IQGAP2: variants seen among roughly 807,000 people sequenced by gnomAD.
The protein encoded by IQGAP2 is ras GTPase-activating-like protein IQGAP2.
IQGAP2 carries 173 observed loss-of-function variants against 201.3 expected under a neutral mutation model. The ratio of observed to expected loss-of-function variants is 0.86; its 90% CI spans 0.76 to 0.98. The LOEUF is 0.98. IQGAP2 is among the 50% of genes least tolerant of loss of function. The probability of loss-of-function intolerance (pLI) is 0.00; values close to 1 mark genes in which losing one functional copy is unlikely to be tolerated. For missense variants in IQGAP2, 1,687 were observed against 1,864.8 expected (o/e 0.90, Z 1.76); for synonymous variants, 675 against 673.9 (o/e 1.00, Z -0.03).
At chr5:76,635,051 C>G (rs1408428367) in intron 15 of IQGAP2, among the ~76,000 whole-genome samples, 1 of 152,124 alleles carries the variant, frequency 6.6e-6, no homozygotes, top group African/African-American at 2.4e-5. Flanking sequence ...ACATCCTAAC[C>G]CAAGTAAAGC....
At chr5:76,624,125 A>G (rs183557793) in intron 13 of IQGAP2, among the ~76,000 whole-genome samples, 2 of 152,294 alleles carry the variant, frequency 1.3e-5, no homozygotes, top group East Asian at 3.9e-4. Flanking sequence ...TATTTTTAAT[A>G]GTGGTAAAAT....
At chr5:76,581,130 C>T (rs1194236931) in intron 5 of IQGAP2, among the ~76,000 whole-genome samples, 1 of 152,192 alleles carries the variant, frequency 6.6e-6, no homozygotes, top group Non-Finnish European at 1.5e-5. Flanking sequence ...ACTCTGGGAG[C>T]TTTGTGGAGT....
At chr5:76,706,102 G>T (rs1747867416) in intron 35 of IQGAP2, among the ~76,000 whole-genome samples, 1 of 152,080 alleles carries the variant, frequency 6.6e-6, no homozygotes, top group African/African-American at 2.4e-5. Context: ...TCCAAACTTT[G>T]GTCACTTCAT....
chr5:76,618,851 A>G (rs1749298019), intron 13 of IQGAP2, among the ~76,000 whole-genome samples: 1 of 152,218 alleles, frequency 6.6e-6, no homozygotes, highest in Admixed American at 6.5e-5. Context: ...CAAAAACTAA[A>G]TGATCAGTCC....
chr5:76,602,908 G>A (rs1365368134), intron 11 of IQGAP2, among the ~76,000 whole-genome samples: 1 of 152,072 alleles, frequency 6.6e-6, no homozygotes, highest in Non-Finnish European at 1.5e-5. Flanking sequence ...TCTACTCTTG[G>A]GGCTGTGTTT....
intron 2 of IQGAP2, among the ~76,000 whole-genome samples, chr5:76,474,155 A>T (rs1293372941): frequency 6.6e-6 from 1 of 152,132 alleles, no homozygotes; most frequent in Non-Finnish European, 1.5e-5. Flanking sequence ...TATCTCACTT[A>T]TCCATGGTGG....
intron 2 of IQGAP2, among the ~76,000 whole-genome samples, chr5:76,531,206 C>T (rs1056796321): frequency 7.2e-5 from 11 of 152,114 alleles, no homozygotes; most frequent in South Asian, 2.1e-4. Context: ...ACCATGTCCT[C>T]GGGTGGCAGA....
Position 76,647,852 on chromosome 5 carries a change from A to ACACAC in IQGAP2, c.2095-4898_2095-4897insCACAC, listed in dbSNP as rs558983752. 7.8e-3 allele frequency among the ~76,000 whole-genome samples: 1,119 copies of ACACAC among 142,934 alleles called. 4 individuals carry two copies. Among genetic ancestry groups the ACACAC allele is most frequent in the African/African-American group, 0.012 (450 of 37,090 alleles). 93.8% of individuals were successfully genotyped at this position (142,934 alleles called of 152,430 possible). On this transcript the variant is annotated intron_variant, in intron 17 of 35. Transcript: ENST00000274364. ...ACACACACACACACACACACACACA[A>ACACAC]ACGAAAAAAACTGTAATGCCTCCAC...
At position 76,408,643 on chromosome 5, in the gene IQGAP2, T is replaced by C. The variant is rs74928994; in HGVS notation, c.46+5052T>C. On this transcript the variant is annotated intron_variant, in intron 1 of 35. Coordinates refer to ENST00000274364, the MANE Select transcript of IQGAP2 (RefSeq NM_006633.5). ...GGATGTGGTGGTATACACCTGTAGTTACAGCTACTTGGGAGGCTGAGGCAG... is the reference window on the plus strand; with the variant it reads ...GGATGTGGTGGTATACACCTGTAGTCACAGCTACTTGGGAGGCTGAGGCAG... 3.7e-3 allele frequency among the ~76,000 whole-genome samples: 563 copies of C among 151,930 alleles called. 1 individual carries two copies. Among genetic ancestry groups the C allele is most frequent in the Non-Finnish European group, 6.6e-3 (447 of 67,940 alleles).
At chr5:76,701,711 C>T (rs1407804421) in intron 34 of IQGAP2, 1 of 152,586 alleles carries the variant, frequency 6.6e-6, no homozygotes, top group Non-Finnish European at 1.5e-5. Context: ...TGTTCCATCA[C>T]TTTCTTGTCC....
At chr5:76,677,642 A>C (rs1744935146) in intron 28 of IQGAP2, 1 of 220,276 alleles carries the variant, frequency 4.5e-6, no homozygotes, top group Non-Finnish European at 8.9e-6. Context: ...ACAAAGCCAG[A>C]TTGTGACTGG....
At chr5:76,650,511 A>G (rs1490983836) in intron 17 of IQGAP2, among the ~76,000 whole-genome samples, 2 of 152,202 alleles carry the variant, frequency 1.3e-5, no homozygotes, top group Non-Finnish European at 2.9e-5. Context: ...TGGTATCATA[A>G]TATGTGTGGT....
chr5:76,493,186 C>T (rs960029880), intron 2 of IQGAP2, among the ~76,000 whole-genome samples: 3 of 152,046 alleles, frequency 2.0e-5, no homozygotes, highest in African/African-American at 4.8e-5. Context: ...TAAGTCAGAT[C>T]GCGTCACTTC....
intron 2 of IQGAP2, among the ~76,000 whole-genome samples, chr5:76,466,450 C>T (rs1311928886): frequency 6.6e-6 from 1 of 152,170 alleles, no homozygotes; most frequent in Non-Finnish European, 1.5e-5. Flanking sequence ...TCAAAACGTA[C>T]TTACAAAGCC....
chr5:76,631,798 G>A (rs1164895912), intron 14 of IQGAP2, 61 bp from the exon 15 acceptor site: 1 of 1,238,604 alleles, frequency 8.1e-7, no homozygotes, highest in African/African-American at 1.5e-5. Context: ...TTATATATTT[G>A]CATGCCTTGA....
chr5:76,673,015 C>A (rs1268288512), intron 24 of IQGAP2, among the ~76,000 whole-genome samples: 1 of 151,556 alleles, frequency 6.6e-6, no homozygotes, highest in Non-Finnish European at 1.5e-5. Context: ...TGTAACTAAC[C>A]TGCACATTGT....
At chr5:76,689,398 G>C (rs1381448750) in intron 30 of IQGAP2, among the ~76,000 whole-genome samples, 5 of 151,984 alleles carry the variant, frequency 3.3e-5, no homozygotes, top group Non-Finnish European at 7.4e-5. Context: ...AGAGGAGAGG[G>C]GAAAGGAAGG....
At chr5:76,413,156 C>CTTTTTTTTTTTTTTTTTTTTTTTTTTTTT (rs567410789) in intron 1 of IQGAP2, among the ~76,000 whole-genome samples, 3 of 83,720 alleles carry the variant, frequency 3.6e-5, no homozygotes, top group African/African-American at 1.0e-4. Flanking sequence ...TTTCTTTTCT[C>CTTTTTTTTTTTTTTTTTTTTTTTTTTTTT]TTTTTTTTTT....
intron 1 of IQGAP2, among the ~76,000 whole-genome samples, chr5:76,457,549 T>A (rs1258067874): frequency 1.3e-5 from 2 of 152,204 alleles, no homozygotes; most frequent in East Asian, 3.8e-4. Context: ...CAAATGTTTG[T>A]TGAACAAATG....
Sources: gnomAD v4.1 joint callset for allele counts (sites outside exome capture counted in the v4.1 genomes callset) on GRCh38, gnomAD v4.1.1 for gene constraint, MANE v1.5 for transcripts, NCBI Gene and HGNC (gene_info 2026-07-23, HGNC 2026-07-21) for gene names.